The following TCOF1 variants were observed in gnomAD, a reference collection of about 807,000 sequenced individuals.
TCOF1 encodes treacle ribosome biogenesis factor 1.
Under a neutral mutation model 149.0 loss-of-function variants are expected in TCOF1, and 33 were observed. The ratio of observed to expected loss-of-function variants is 0.22; its 90% confidence interval spans 0.17 to 0.30. The LOEUF (loss-of-function observed/expected upper bound fraction) is 0.30, where lower values mean the gene tolerates loss of function less well. Ranked by LOEUF, TCOF1 falls within the 10% of genes least tolerant of loss-of-function variation. The pLI, the probability that TCOF1 is intolerant of heterozygous loss-of-function variation, is 1.00. For synonymous variants in TCOF1, 789 were observed against 738.8 expected (o/e 1.07, Z -1.10); for missense variants, 1,728 against 1,840.7 (o/e 0.94, Z 1.12).
intron 22 of TCOF1, 185 bp downstream of exon 22, chr5:150,392,975 C>T (rs1019579485): frequency 1.3e-5 from 9 of 719,042 alleles, no homozygotes; most frequent in South Asian, 4.8e-5. Context: ...AGGCTGCCTC[C>T]GTCCCCTCAT....
chr5:150,375,904 G>A lies in TCOF1; in HGVS notation c.1888G>A (p.Ala630Thr), dbSNP rs1326105461. The A allele has an allele frequency of 2.5e-6, 4 of 1,614,114 alleles. No individual in the cohort carries two copies. The African/African-American group carries it at 5.3e-5, about 22-fold the overall frequency. The change falls in exon 12 of 27, where the codon GCT becomes ACT. Residue 630 changes from alanine (A) to threonine (T), a missense_variant. Physicochemically the swap from Ala to Thr is moderately conservative, Grantham distance 58. Coordinates refer to ENST00000643257, the MANE Select transcript of TCOF1 (RefSeq NM_001371623.1). ...SEEAPAAMTA[A>T]QAKPALKIPQ... ...GGAGGCACCAGCAGCCATGACTGCA[G>A]CTCAGGTGAGGCCTGGGGAAGGAGG...
At chr5:150,399,244 G>A (rs1006290480) in intron 26 of TCOF1, among the ~76,000 whole-genome samples, 174 bp downstream of exon 26, 1 of 152,230 alleles carries the variant, frequency 6.6e-6, no homozygotes, top group Non-Finnish European at 1.5e-5. Context: ...TCAGGAGCTG[G>A]CACTGCAGCA....
chr5:150,364,042 G>T (rs906783970), intron 2 of TCOF1, 71 bp from the exon 3 acceptor site: 13 of 1,609,882 alleles, frequency 8.1e-6, no homozygotes, highest in Admixed American at 1.7e-5. Flanking sequence ...ATGCGGGAAG[G>T]TCTGTCTAGT....
intron 23 of TCOF1, 73 bp from the exon 24 acceptor site, chr5:150,396,209 C>G: frequency 1.3e-6 from 2 of 1,559,094 alleles, no homozygotes; most frequent in Non-Finnish European, 1.8e-6. Flanking sequence ...CCTGCACCCT[C>G]TTCGCTCTTA....
chr5:150,368,676 A>G, intron 4 of TCOF1, 40 bp from the exon 5 acceptor site: 1 of 1,613,134 alleles, frequency 6.2e-7, no homozygotes, highest in Non-Finnish European at 8.5e-7. Context: ...TTAGTTCACC[A>G]TGCCATACCA....
At chr5:150,396,173 C>T in intron 23 of TCOF1, 109 bp from the exon 24 acceptor site, 1 of 1,261,262 alleles carries the variant, frequency 7.9e-7, no homozygotes, top group Non-Finnish European at 1.2e-6. Context: ...CCATCTGTGC[C>T]ATTGTAAGAA....
chr5:150,357,805 G>A lies in TCOF1; in HGVS notation c.59G>A (p.Arg20Gln). Residue 20 changes from arginine (R) to glutamine (Q), a missense_variant, in exon 1 of 27, where the codon CGG becomes CAG. Coordinates refer to ENST00000643257, the MANE Select transcript of TCOF1 (RefSeq NM_001371623.1). ...LLPLIYHHLLRAGYVRAAREV... is the reference protein window; with the variant it reads ...LLPLIYHHLLQAGYVRAAREV... ...CCCCTGATCTACCACCATCTGCTGC[G>A]GGCTGGCTATGTGCGTGCGGCGCGG... 1 of 1,549,942 alleles carries A rather than the reference G, an allele frequency of 6.5e-7. No homozygotes were observed. The highest frequency in any genetic ancestry group is 1.2e-5 in the South Asian group (1 of 84,062).
At chr5:150,369,384 T>C in intron 5 of TCOF1, 145 bp from the exon 6 acceptor site, 6 of 894,606 alleles carry the variant, frequency 6.7e-6, no homozygotes, top group Non-Finnish European at 1.1e-5. Context: ...GAAGGGGGCT[T>C]CACAGCTCAG....
Position 150,387,996 on chromosome 5 carries a change from G to C in TCOF1, c.2954G>C (p.Arg985Thr). 6.2e-7 allele frequency: 1 copy of C among 1,613,888 alleles called. No individual in the cohort carries two copies. Among genetic ancestry groups the C allele is most frequent in the Non-Finnish European group, 8.5e-7 (1 of 1,180,028 alleles). ...PAQAQAASTP[R>T]KARASESTAR... The stretch of plus-strand genomic sequence containing the variant: ...CAAGCCCAGGCTGCAAGCACCCCGA[G>C]GAAGGCCCGAGCCTCGGAGAGCACA... The change falls in exon 18 of 27, where the codon AGG becomes ACG. Residue 985 changes from arginine to threonine, a missense_variant. By Grantham distance (71) the Arg-to-Thr change is moderately conservative (BLOSUM62 -1). Coordinates refer to ENST00000643257, the MANE Select transcript of TCOF1 (RefSeq NM_001371623.1).
chr5:150,377,717 A>C (rs1764146669), intron 14 of TCOF1, among the ~76,000 whole-genome samples: 1 of 152,122 alleles, frequency 6.6e-6, no homozygotes, highest in Non-Finnish European at 1.5e-5. Flanking sequence ...CCCAAGCTGC[A>C]GGCACATTCC....
rs543072968 is a variant in TCOF1 at position 150,392,702 on chromosome 5, C to T, written c.3518-3C>T. 195 of 1,613,950 alleles carry T rather than the reference C, an allele frequency of 1.2e-4. 1 individual carries two copies. In the South Asian group the frequency reaches 2.0e-3, roughly 16 times the overall value. On this transcript the variant is annotated splice_region_variant and splice_polypyrimidine_tract_variant and intron_variant, in intron 21 of 26. Transcript: ENST00000643257. ...CTACCAACAGGATACTGTGCTTCTC[C>T]AGTAGGTCCCACCCCCTCCAGGACA...
chr5:150,385,104 C>T (rs555470262), intron 17 of TCOF1: 1 of 979,644 alleles, frequency 1.0e-6, no homozygotes, highest in Non-Finnish European at 1.2e-6. Flanking sequence ...TTTAGCTATT[C>T]CACAATGTAT....
intron 23 of TCOF1, 44 bp downstream of exon 23, chr5:150,393,596 A>G (rs760344375): frequency 3.1e-6 from 5 of 1,613,110 alleles, no homozygotes; most frequent in Non-Finnish European, 4.2e-6. Context: ...ACACAGAGGG[A>G]CAGGGCAGTG....
chr5:150,386,368 C>T (rs1766300782), intron 17 of TCOF1, among the ~76,000 whole-genome samples: 1 of 152,250 alleles, frequency 6.6e-6, no homozygotes, highest in African/African-American at 2.4e-5. Context: ...TGTAAGCCTT[C>T]TCCCACTTTC....
chr5:150,375,677 C>T (rs953001809), intron 11 of TCOF1, 44 bp from the exon 12 acceptor site: 1 of 1,613,632 alleles, frequency 6.2e-7, no homozygotes, highest in Non-Finnish European at 8.5e-7. Flanking sequence ...TCTGCACACA[C>T]CTACCCTGGG....
At chr5:150,382,351 G>A (rs1300427835) in intron 17 of TCOF1, among the ~76,000 whole-genome samples, 1 of 147,424 alleles carries the variant, frequency 6.8e-6, no homozygotes, top group Non-Finnish European at 1.5e-5. Flanking sequence ...GGAACAGATG[G>A]GGGCATGGCT....
rs1486725593 is a variant in TCOF1 at position 150,391,962 on chromosome 5, C to T, written c.3303C>T (p.Asp1101=). 1.2e-6 allele frequency: 2 copies of T among 1,614,036 alleles called. No homozygotes were observed. The highest frequency in any genetic ancestry group is 1.7e-6 in the Non-Finnish European group (2 of 1,180,022). The part of the protein sequence containing the change: ...VARTQPSSGV[D]SAVGTLPATS... ...TTCTCCTTTCACCGAATTAGGTTGA[C>T]AGTGCTGTGGGAACACTCCCTGCAA... is the stretch of plus-strand genomic sequence containing the variant. The change falls in exon 21 of 27, where the codon GAC becomes GAT. Residue 1101 remains aspartate, a synonymous_variant. Coordinates refer to ENST00000643257, the MANE Select transcript of TCOF1 (RefSeq NM_001371623.1).
At chr5:150,384,479 T>G in intron 17 of TCOF1, 2 of 985,458 alleles carry the variant, frequency 2.0e-6, no homozygotes, top group South Asian at 9.4e-5. Flanking sequence ...GACACTCTCC[T>G]CTCCTGGGCT....
chr5:150,375,226 A>T (rs563065574), intron 10 of TCOF1, 63 bp downstream of exon 10: 1 of 1,611,786 alleles, frequency 6.2e-7, no homozygotes, highest in Non-Finnish European at 8.5e-7. Flanking sequence ...TGTGGTTTTG[A>T]CTTTTCCTCT....
Sources: gnomAD v4.1 joint callset for allele counts (sites outside exome capture counted in the v4.1 genomes callset) on GRCh38, gnomAD v4.1.1 for gene constraint, MANE v1.5 for transcripts, NCBI Gene and HGNC (gene_info 2026-07-23, HGNC 2026-07-21) for gene names.